Variants in SGK1 observed in about 807,000 individuals in gnomAD.
The protein encoded by SGK1 is serum/glucocorticoid regulated kinase 1, also known as serine/threonine-protein kinase Sgk1.
SGK1 carries 26 observed loss-of-function variants against 64.2 expected under a neutral mutation model. The observed-to-expected ratio is 0.40, with a 90% CI of 0.30 to 0.56. The LOEUF (loss-of-function observed/expected upper bound fraction) is 0.56. Ranked by LOEUF, SGK1 falls within the 20% of genes least tolerant of loss-of-function variation. SGK1 has a pLI of 0.38. For synonymous variants in SGK1, 265 were observed against 239.7 expected (o/e 1.11, Z -0.98); for missense variants, 519 against 645.6 (o/e 0.80, Z 2.12).
chr6:134,262,174 A>C, intron 1 of SGK1, 26 bp from the exon 2 acceptor site: 1 of 1,501,148 alleles, frequency 6.7e-7, no homozygotes, highest in Non-Finnish European at 9.0e-7. Flanking sequence ...GGAAAGAAAA[A>C]ACAAATGTGT....
At chr6:134,238,748 CT>C in intron 2 of SGK1, among the ~76,000 whole-genome samples, 1 of 151,930 alleles carries the variant, frequency 6.6e-6, no homozygotes, top group East Asian at 1.9e-4. Context: ...CAATTTTTTC[CT>C]AATATCAAAG....
At chr6:134,236,610 G>A (rs1048380831) in intron 2 of SGK1, among the ~76,000 whole-genome samples, 3 of 152,028 alleles carry the variant, frequency 2.0e-5, no homozygotes, top group Admixed American at 2.0e-4. Context: ...CTGGATGACA[G>A]ACCGAGACTC....
chr6:134,261,834 TA>T (rs1204601577), intron 2 of SGK1, 98 bp downstream of exon 2: 8 of 857,804 alleles, frequency 9.3e-6, no homozygotes, highest in Middle Eastern at 2.2e-4. Flanking sequence ...AAATATGCAT[TA>T]AAAAATTATT....
At chr6:134,226,996 G>C (rs1182161524) in intron 2 of SGK1, among the ~76,000 whole-genome samples, 1 of 151,998 alleles carries the variant, frequency 6.6e-6, no homozygotes, top group Non-Finnish European at 1.5e-5. Flanking sequence ...CCCCTAAGAA[G>C]ACATTTTAAA....
intron 2 of SGK1, among the ~76,000 whole-genome samples, chr6:134,217,108 C>T (rs1288752474): frequency 6.6e-6 from 1 of 152,168 alleles, no homozygotes; most frequent in Non-Finnish European, 1.5e-5. Context: ...ACTGCTATAA[C>T]AACAGGGAGT....
chr6:134,307,609 T>C (rs1318166509), intron 1 of SGK1, among the ~76,000 whole-genome samples: 1 of 152,170 alleles, frequency 6.6e-6, no homozygotes, highest in Non-Finnish European at 1.5e-5. Context: ...AAATACAACA[T>C]AAATGCTATG....
intron 1 of SGK1, among the ~76,000 whole-genome samples, chr6:134,291,344 A>G (rs1302160975): frequency 6.6e-6 from 1 of 152,208 alleles, no homozygotes; most frequent in Non-Finnish European, 1.5e-5. Flanking sequence ...AGACCGGACT[A>G]AAAATCAAAA....
At chr6:134,175,719 C>T in intron 3 of SGK1, 2 of 1,385,188 alleles carry the variant, frequency 1.4e-6, no homozygotes, top group Non-Finnish European at 1.9e-6. Flanking sequence ...ACTGACGTTT[C>T]CTTGAAGGAG....
chr6:134,256,677 T>A (rs1335379624), intron 2 of SGK1, among the ~76,000 whole-genome samples: 2 of 152,226 alleles, frequency 1.3e-5, no homozygotes, highest in Admixed American at 6.5e-5. Flanking sequence ...TACTACAACA[T>A]GTGTTCCAGT....
chr6:134,206,381 ATATT>A (rs1775783962), intron 3 of SGK1, among the ~76,000 whole-genome samples: 1 of 5,584 alleles, frequency 1.8e-4, no homozygotes, highest in East Asian at 5.0e-3. Context: ...ATATATATAT[ATATT>A]TTTTTTTTTT....
chr6:134,275,209 AT>A (rs1309726170), intron 1 of SGK1, among the ~76,000 whole-genome samples: 5 of 152,200 alleles, frequency 3.3e-5, no homozygotes, highest in Non-Finnish European at 7.3e-5. Context: ...TGTTATTTAA[AT>A]TGATTGATCA....
chr6:134,293,171 TC>T (rs1281223042), intron 1 of SGK1, among the ~76,000 whole-genome samples: 2 of 152,230 alleles, frequency 1.3e-5, no homozygotes, highest in Non-Finnish European at 2.9e-5. Context: ...TTTGCCAGTT[TC>T]TAATAAGCTG....
At chr6:134,222,044 AT>A (rs1464146876) in intron 2 of SGK1, among the ~76,000 whole-genome samples, 4 of 152,190 alleles carry the variant, frequency 2.6e-5, no homozygotes, top group Non-Finnish European at 2.9e-5. Flanking sequence ...ATTAAAGGAG[AT>A]AATTATTCTG....
chr6:134,215,246 G>A (rs941517961), intron 2 of SGK1, among the ~76,000 whole-genome samples: 13 of 151,388 alleles, frequency 8.6e-5, no homozygotes, highest in African/African-American at 3.2e-4. Flanking sequence ...CTCCTGAGTA[G>A]CTGGGATTAT....
chr6:134,170,993 G>A (rs372296178), intron 12 of SGK1, 30 bp downstream of exon 12: 42 of 1,613,134 alleles, frequency 2.6e-5, no homozygotes, highest in Middle Eastern at 1.6e-4. Flanking sequence ...CGTCCCGGCC[G>A]GCCCAGGAGG....
intron 1 of SGK1, chr6:134,296,919 AC>A (rs1419509978): frequency 2.7e-6 from 1 of 376,616 alleles, no homozygotes; most frequent in Non-Finnish European, 5.1e-6. Context: ...TCCCTGTCCT[AC>A]CCTGCACAGG....
At chr6:134,200,732 C>T (rs751168133) in intron 3 of SGK1, among the ~76,000 whole-genome samples, 2 of 152,008 alleles carry the variant, frequency 1.3e-5, no homozygotes, top group Non-Finnish European at 2.9e-5. Context: ...GGAGAAACCC[C>T]GTCTCTACAA....
chr6:134,253,301 T>C (rs1165314893), intron 2 of SGK1, among the ~76,000 whole-genome samples: 5 of 151,818 alleles, frequency 3.3e-5, no homozygotes, highest in African/African-American at 7.2e-5. Context: ...TTCTTTTTTT[T>C]TTTTTCTTTT....
intron 3 of SGK1, among the ~76,000 whole-genome samples, chr6:134,200,748 CA>C (rs1654837449): frequency 6.6e-6 from 1 of 151,980 alleles, no homozygotes; most frequent in African/African-American, 2.4e-5. Context: ...TACAAGAATA[CA>C]AGAAATTAGC....
Sources: gnomAD v4.1 joint callset for allele counts (sites outside exome capture counted in the v4.1 genomes callset) on GRCh38, gnomAD v4.1.1 for gene constraint, MANE v1.5 for transcripts, NCBI Gene and HGNC (gene_info 2026-07-23, HGNC 2026-07-21) for gene names.